FAAH2: variants seen among roughly 807,000 people sequenced by gnomAD.
FAAH2 encodes the protein fatty-acid amide hydrolase 2.
In FAAH2, 60 loss-of-function variants were observed where a neutral mutation model predicts 36.9. The ratio of observed to expected loss-of-function variants is 1.63; its 90% CI spans 1.32 to 2.02. The LOEUF is 2.02. Among genes scored for constraint, FAAH2 ranks in the 30% most tolerant of loss-of-function variants. FAAH2 has a pLI of 0.00. For missense variants in FAAH2, 689 were observed against 397.5 expected (o/e 1.73, Z -6.23); for synonymous variants, 214 against 143.8 (o/e 1.49, Z -3.49).
At chrX:57,280,042 G>T in the FAAH2 span, among the ~76,000 whole-genome samples, 1 of 111,850 alleles carries the variant, frequency 8.9e-6, no homozygotes, top group African/African-American at 3.2e-5. Flanking sequence ...TAGCAAGGAA[G>T]TTAATCTATA....
chrX:57,252,071 C>T, the FAAH2 span, among the ~76,000 whole-genome samples: 1 of 112,872 alleles, frequency 8.9e-6, no homozygotes, highest in Non-Finnish European at 1.9e-5. Flanking sequence ...GACCAGGAGA[C>T]CTGCCTGGCT....
the FAAH2 span, among the ~76,000 whole-genome samples, chrX:57,265,660 C>T: frequency 1.8e-5 from 2 of 112,120 alleles, no homozygotes; most frequent in African/African-American, 6.5e-5. Context: ...GCCCCCTCTG[C>T]CAGTGTTCTC....
At chrX:57,198,879 T>C in the FAAH2 span, among the ~76,000 whole-genome samples, 1 of 112,424 alleles carries the variant, frequency 8.9e-6, no homozygotes, top group African/African-American at 3.2e-5. Context: ...ATTTTCACGT[T>C]CTCCAGTGAG....
At chrX:57,387,369 T>A (rs890149467) in intron 7 of FAAH2, among the ~76,000 whole-genome samples, 22 of 111,456 alleles carry the variant, frequency 2.0e-4, no homozygotes, top group African/African-American at 6.2e-4. Context: ...AGGAGTGCTA[T>A]TTTAAAACTC....
At chrX:57,437,146 A>T (rs2056426782) in intron 8 of FAAH2, among the ~76,000 whole-genome samples, 1 of 111,872 alleles carries the variant, frequency 8.9e-6, no homozygotes, top group South Asian at 3.6e-4. Flanking sequence ...ATCTCAAGAG[A>T]TGCAGGAAAA....
chrX:57,172,340 G>T, the FAAH2 span, among the ~76,000 whole-genome samples: 1 of 111,266 alleles, frequency 9.0e-6, no homozygotes, highest in African/African-American at 3.3e-5. Flanking sequence ...GAGACGTGGG[G>T]AGTGGCTCGT....
intron 8 of FAAH2, among the ~76,000 whole-genome samples, chrX:57,438,632 G>A (rs1254098028): frequency 9.2e-6 from 1 of 108,415 alleles, no homozygotes; most frequent in Non-Finnish European, 1.9e-5. Flanking sequence ...TTAAGTTTTA[G>A]GGTACATGTG....
intron 10 of FAAH2, among the ~76,000 whole-genome samples, chrX:57,471,839 A>G (rs775389622): frequency 8.9e-6 from 1 of 112,031 alleles, no homozygotes; most frequent in South Asian, 3.7e-4. Context: ...CTGACTTCAA[A>G]CTATACTACA....
the FAAH2 span, among the ~76,000 whole-genome samples, chrX:57,146,743 A>G: frequency 8.9e-6 from 1 of 111,979 alleles, no homozygotes; most frequent in Non-Finnish European, 1.9e-5. Context: ...TGTCTCTTCT[A>G]TGCTGATTTT....
the FAAH2 span, among the ~76,000 whole-genome samples, chrX:57,147,884 G>C: frequency 8.9e-6 from 1 of 111,865 alleles, no homozygotes; most frequent in Admixed American, 9.5e-5. Context: ...TTCTTTTGGA[G>C]TTGATTTCTA....
intron 3 of FAAH2, among the ~76,000 whole-genome samples, chrX:57,316,093 T>C (rs1243592662): frequency 9.0e-6 from 1 of 111,154 alleles, no homozygotes. Context: ...GGTAGTATAA[T>C]GATGTCCTGG....
chrX:57,446,600 T>C (rs780386250), intron 8 of FAAH2, among the ~76,000 whole-genome samples: 2 of 112,023 alleles, frequency 1.8e-5, no homozygotes, highest in East Asian at 5.6e-4. Context: ...TCCATAGCCT[T>C]AAGTAACCAA....
chrX:57,307,782 C>T (rs747894196), intron 2 of FAAH2, among the ~76,000 whole-genome samples: 21 of 110,966 alleles, frequency 1.9e-4, no homozygotes, highest in South Asian at 7.8e-4. Flanking sequence ...AACTTTCCCT[C>T]GCTCACACAC....
At chrX:57,323,588 T>C (rs1417711656) in intron 3 of FAAH2, among the ~76,000 whole-genome samples, 1 of 111,773 alleles carries the variant, frequency 8.9e-6, no homozygotes, top group Admixed American at 9.5e-5. Flanking sequence ...TGGACAGTGA[T>C]GATAAGCATT....
At chrX:57,435,232 A>T (rs1229174626) in intron 8 of FAAH2, among the ~76,000 whole-genome samples, 2 of 111,918 alleles carry the variant, frequency 1.8e-5, no homozygotes, top group African/African-American at 6.5e-5. Context: ...AAGAAAAGTC[A>T]AGTTGTTAAC....
At chrX:57,130,287 G>A in the FAAH2 span, among the ~76,000 whole-genome samples, 5 of 112,256 alleles carry the variant, frequency 4.5e-5, no homozygotes, top group African/African-American at 1.3e-4. Flanking sequence ...AAGATAGTTC[G>A]GGCTATTGTA....
At chrX:57,322,104 G>A (rs965161419) in intron 3 of FAAH2, among the ~76,000 whole-genome samples, 5 of 109,463 alleles carry the variant, frequency 4.6e-5, no homozygotes, top group Admixed American at 9.8e-5. Flanking sequence ...CCGGGTTCAC[G>A]CCGTTCTCCT....
chrX:57,196,662 A>C, the FAAH2 span, among the ~76,000 whole-genome samples: 2 of 111,987 alleles, frequency 1.8e-5, no homozygotes, highest in Non-Finnish European at 3.8e-5. Context: ...AAATATTTTC[A>C]ACTTGTTCAG....
chrX:57,448,336 G>A (rs893477467), intron 9 of FAAH2, among the ~76,000 whole-genome samples, 188 bp from the exon 10 acceptor site: 2 of 112,405 alleles, frequency 1.8e-5, no homozygotes, highest in Non-Finnish European at 3.8e-5. Context: ...GGCTAGAAAT[G>A]TTATATATAG....
Sources: allele counts gnomAD v4.1 joint callset (sites outside exome capture counted in the v4.1 genomes callset), GRCh38; gene constraint gnomAD v4.1.1; transcripts MANE v1.5; gene names NCBI Gene and HGNC (gene_info 2026-07-23, HGNC 2026-07-21).